The following HPSE2 variants were observed in gnomAD, a reference collection of about 807,000 sequenced individuals.
The protein encoded by HPSE2 is heparanase 2 (inactive).
HPSE2 carries 38 observed loss-of-function variants against 60.5 expected under a neutral mutation model. The observed-to-expected ratio is 0.63, with a 90% CI of 0.48 to 0.82. The LOEUF (loss-of-function observed/expected upper bound fraction) is 0.82. Among genes scored for constraint, HPSE2 ranks in the 40% least tolerant of loss-of-function variants. HPSE2 has a pLI of 0.00. For synonymous variants in HPSE2, 295 were observed against 293.2 expected (o/e 1.01, Z -0.06); for missense variants, 713 against 740.4 (o/e 0.96, Z 0.43).
chr10:99,205,381 G>A (rs1326666226), intron 2 of HPSE2, among the ~76,000 whole-genome samples: 1 of 152,188 alleles, frequency 6.6e-6, no homozygotes, highest in Non-Finnish European at 1.5e-5. Context: ...GAGGTCAGGA[G>A]TTCAAGCCTG....
intron 11 of HPSE2, among the ~76,000 whole-genome samples, chr10:98,480,330 C>T (rs909424510): frequency 5.9e-5 from 9 of 152,222 alleles, no homozygotes; most frequent in South Asian, 2.1e-4. Flanking sequence ...GTAATCCCCC[C>T]GCCTCAGCCT....
Position 98,569,457 on chromosome 10 carries a change from T to C in HPSE2, c.1320+45447A>G, listed in dbSNP as rs574416551. Among the ~76,000 whole-genome samples the C allele has an allele frequency of 2.0e-5, 3 of 152,322 alleles. No homozygotes were observed. The East Asian group carries it at 5.8e-4, about 29-fold the overall frequency. Reference sequence around the variant, plus strand: ...CTTAATGATACATTTAAATTACAAATTTAAAATATAAATTTAACAAAAATA... The same window carrying C: ...CTTAATGATACATTTAAATTACAAACTTAAAATATAAATTTAACAAAAATA... On this transcript the variant is annotated intron_variant, in intron 9 of 11. Transcript: ENST00000370552.
intron 6 of HPSE2, among the ~76,000 whole-genome samples, chr10:98,691,068 T>C (rs1948066177): frequency 6.6e-6 from 1 of 152,226 alleles, no homozygotes; most frequent in African/African-American, 2.4e-5. Context: ...CCTCAATTTC[T>C]TTACATTATT....
At chr10:99,251,749 G>A in the HPSE2 span, among the ~76,000 whole-genome samples, 3 of 151,320 alleles carry the variant, frequency 2.0e-5, no homozygotes, top group South Asian at 2.1e-4. Context: ...AATTGGCTAG[G>A]CATGGTGGTT....
chr10:98,685,813 T>A (rs975888589), intron 6 of HPSE2, among the ~76,000 whole-genome samples: 2 of 152,216 alleles, frequency 1.3e-5, no homozygotes, highest in African/African-American at 4.8e-5. Context: ...CTTAGTTATA[T>A]AAGAAACTGC....
intron 4 of HPSE2, among the ~76,000 whole-genome samples, chr10:98,729,035 A>AAGAAC (rs1383023850): frequency 6.6e-6 from 1 of 151,652 alleles, no homozygotes; most frequent in Non-Finnish European, 1.5e-5. Context: ...AAGAAAAGAA[A>AAGAAC]AGAACAAAAC....
chr10:98,877,753 T>A (rs1952916675), intron 3 of HPSE2, among the ~76,000 whole-genome samples: 1 of 151,904 alleles, frequency 6.6e-6, no homozygotes, highest in African/African-American at 2.4e-5. Context: ...TTTGTAGGAT[T>A]GTGATTTGCC....
intron 9 of HPSE2, among the ~76,000 whole-genome samples, chr10:98,521,695 T>C (rs1254947985): frequency 6.6e-6 from 1 of 152,158 alleles, no homozygotes; most frequent in Non-Finnish European, 1.5e-5. Flanking sequence ...ATACGATTAT[T>C]GCGGCACTCT....
At chr10:98,912,501 G>C (rs183955391) in intron 3 of HPSE2, among the ~76,000 whole-genome samples, 43 of 152,306 alleles carry the variant, frequency 2.8e-4, no homozygotes, top group Non-Finnish European at 5.3e-4. Flanking sequence ...TCCCATGCCT[G>C]TTGCAGCACT....
chr10:98,997,155 C>T (rs1956664331), intron 3 of HPSE2, among the ~76,000 whole-genome samples: 1 of 147,120 alleles, frequency 6.8e-6, no homozygotes, highest in African/African-American at 2.5e-5. Context: ...CTCTGTCACC[C>T]AGGCTGCAGT....
intron 3 of HPSE2, among the ~76,000 whole-genome samples, chr10:99,138,545 G>A (rs1039585189): frequency 5.3e-5 from 8 of 152,156 alleles, no homozygotes; most frequent in Non-Finnish European, 1.2e-4. Context: ...TATACACCAT[G>A]GAATACTATG....
chr10:98,984,154 C>A (rs1012924184), intron 3 of HPSE2, among the ~76,000 whole-genome samples: 3 of 152,302 alleles, frequency 2.0e-5, no homozygotes, highest in Middle Eastern at 3.4e-3. Context: ...GTGGTTCTCT[C>A]AGCACGCAGC....
chr10:98,814,096 C>T (rs1951229604), intron 3 of HPSE2, among the ~76,000 whole-genome samples: 1 of 152,036 alleles, frequency 6.6e-6, no homozygotes, highest in Admixed American at 6.6e-5. Context: ...TTGTTTTACC[C>T]AAAAGGCCTT....
At chr10:99,120,648 A>T (rs995518632) in intron 3 of HPSE2, among the ~76,000 whole-genome samples, 1 of 151,962 alleles carries the variant, frequency 6.6e-6, no homozygotes, top group South Asian at 2.1e-4. Flanking sequence ...TAATTTTTGT[A>T]TTTTTAGTAA....
Position 98,941,182 on chromosome 10 carries a change from A to G in HPSE2, c.611-197126T>C, listed in dbSNP as rs1426712527. Among the ~76,000 whole-genome samples the G allele has an allele frequency of 2.2e-5, 3 of 138,540 alleles. 1 individual carries two copies. The highest frequency in any genetic ancestry group is 9.1e-5 in the African/African-American group (3 of 33,054). 90.9% of individuals were successfully genotyped at this position (138,540 alleles called of 152,430 possible). On this transcript the variant is annotated intron_variant, in intron 3 of 11. Coordinates refer to ENST00000370552, the MANE Select transcript of HPSE2 (RefSeq NM_021828.5). ...CTTAGAAAACTGGCACAAGACAGGG[A>G]TGCCCTCTCTCACCACTCCTATTCA...
intron 2 of HPSE2, among the ~76,000 whole-genome samples, chr10:99,209,844 C>G (rs769936323): frequency 1.3e-5 from 2 of 152,140 alleles, no homozygotes; most frequent in Non-Finnish European, 1.5e-5. Flanking sequence ...TGCATGCCAC[C>G]ACGCCTGGCT....
chr10:99,192,327 G>A (rs1848249888), intron 2 of HPSE2, among the ~76,000 whole-genome samples: 1 of 152,150 alleles, frequency 6.6e-6, no homozygotes, highest in East Asian at 1.9e-4. Flanking sequence ...AAAAGGTCAA[G>A]GTTAGAGAAA....
At chr10:98,721,552 A>G in intron 5 of HPSE2, 105 bp downstream of exon 5, 1 of 1,122,598 alleles carries the variant, frequency 8.9e-7, no homozygotes, top group Non-Finnish European at 1.3e-6. Flanking sequence ...CTTTTTTCTT[A>G]AGACCAAAAT....
intron 6 of HPSE2, among the ~76,000 whole-genome samples, chr10:98,649,671 C>T (rs576988585): frequency 1.4e-4 from 22 of 152,100 alleles, no homozygotes; most frequent in African/African-American, 4.8e-4. Context: ...AAGCAAAAAC[C>T]GGGGTAGATA....
Sources: allele counts gnomAD v4.1 joint callset (sites outside exome capture counted in the v4.1 genomes callset), GRCh38; gene constraint gnomAD v4.1.1; transcripts MANE v1.5; gene names NCBI Gene and HGNC (gene_info 2026-07-23, HGNC 2026-07-21).